CASP2: variants seen among roughly 807,000 people sequenced by gnomAD.
CASP2 encodes the protein caspase-2.
A neutral mutation model predicts 54.4 loss-of-function variants in CASP2; 38 were observed. That is an observed-to-expected ratio of 0.70 (90% CI 0.54 to 0.92). CASP2 has a LOEUF of 0.92. Ranked by LOEUF, CASP2 falls within the 40% of genes least tolerant of loss-of-function variation. The probability of loss-of-function intolerance (pLI) is 0.00; values close to 1 mark genes in which losing one functional copy is unlikely to be tolerated. For missense variants in CASP2, 512 were observed against 579.6 expected, an observed-to-expected ratio of 0.88 and a Z score of 1.20; for synonymous variants, 215 against 216.3, an observed-to-expected ratio of 0.99 and a Z score of 0.05.
chr7:143,301,639 T>C (rs576524524), intron 8 of CASP2: 1 of 152,322 alleles, frequency 6.6e-6, no homozygotes, highest in Admixed American at 6.5e-5. Context: ...TAATTTGATT[T>C]ACATAGTTAT....
chr7:143,295,055 T>TTTAG (rs1389877229), intron 6 of CASP2, among the ~76,000 whole-genome samples: 1 of 151,428 alleles, frequency 6.6e-6, no homozygotes, highest in Admixed American at 6.6e-5. Context: ...AAAGACAGAG[T>TTTAG]TTAGCTCTGT....
At chr7:143,293,383 C>T (rs1445754589) in intron 4 of CASP2, among the ~76,000 whole-genome samples, 1 of 152,196 alleles carries the variant, frequency 6.6e-6, no homozygotes, top group Non-Finnish European at 1.5e-5. Context: ...CCGCCTTGGC[C>T]TCCCAAAGTG....
At chr7:143,288,666 G>A in intron 1 of CASP2, 137 bp downstream of exon 1, 1 of 817,104 alleles carries the variant, frequency 1.2e-6, no homozygotes, top group Non-Finnish European at 1.9e-6. Flanking sequence ...CCAAGGGTGG[G>A]ACGCCCGCCC....
chr7:143,294,238 G>A lies in CASP2; in HGVS notation c.484G>A (p.Glu162Lys). ...TTCTGTCTATACCACAGATACTGTG[G>A]AACACTCCCTAGACAATAAAGATGG... ...KKLRLSTDTVEHSLDNKDGPV... is the reference protein window; with the variant it reads ...KKLRLSTDTVKHSLDNKDGPV... Residue 162 changes from glutamate (E) to lysine (K), a missense_variant, in exon 5 of 11, where the codon GAA becomes AAA. Coordinates refer to ENST00000310447, the MANE Select transcript of CASP2 (RefSeq NM_032982.4). 6.2e-7 allele frequency: 1 copy of A among 1,601,498 alleles called. No individual in the cohort carries two copies. The highest frequency in any genetic ancestry group is 8.6e-7 in the Non-Finnish European group (1 of 1,168,660).
In CASP2 at chr7:143,288,481, G is replaced by C. The variant is rs2116752445; in HGVS notation, c.26G>C (p.Trp9Ser). 1 of 1,613,302 alleles carries C rather than the reference G, an allele frequency of 6.2e-7. No individual in the cohort carries two copies. Among genetic ancestry groups the C allele is most frequent in the Admixed American group, 1.7e-5 (1 of 60,018 alleles). ...ATGGCGGCGCCGAGCGCGGGGTCTTGGTCCACCTTCCAGCACAAGGAGCTG... is the reference window on the plus strand; with the variant it reads ...ATGGCGGCGCCGAGCGCGGGGTCTTCGTCCACCTTCCAGCACAAGGAGCTG... MAAPSAGS[W>S]STFQHKELMA... The change falls in exon 1 of 11, where the codon TGG becomes TCG. Residue 9 changes from tryptophan to serine, a missense_variant. Trp to Ser is a radical substitution (Grantham distance 177, BLOSUM62 -3). This residue lies in a region of CASP2 where 89 missense variants were observed against 67.1 expected (regional missense o/e 1.33). Coordinates refer to ENST00000310447, the MANE Select transcript of CASP2 (RefSeq NM_032982.4).
Position 143,305,041 on chromosome 7 carries a change from C to G in CASP2, c.1329C>G (p.Leu443=), listed in dbSNP as rs538619828. The G allele has an allele frequency of 7.4e-6, 12 of 1,614,242 alleles. No individual in the cohort carries two copies. In the East Asian group the frequency reaches 2.5e-4, roughly 33 times the overall value. ...ACTGCAGCACTCTGTGCCGCCACCT[C>G]TACCTGTTCCCAGGACACCCTCCCA... The part of the protein sequence containing the change: ...SEYCSTLCRH[L]YLFPGHPPT The change falls in exon 11 of 11, where the codon CTC becomes CTG. Residue 443 remains leucine (L), a synonymous_variant. Coordinates refer to ENST00000310447, the MANE Select transcript of CASP2 (RefSeq NM_032982.4).
chr7:143,300,411 G>T (rs750095620), intron 8 of CASP2, 117 bp downstream of exon 8: 2 of 1,598,686 alleles, frequency 1.3e-6, no homozygotes, highest in East Asian at 4.5e-5. Flanking sequence ...ACCTCCTTCT[G>T]TTCACTGCTG....
intron 1 of CASP2, among the ~76,000 whole-genome samples, chr7:143,289,024 A>G (rs543403313): frequency 1.2e-4 from 19 of 152,206 alleles, no homozygotes; most frequent in Non-Finnish European, 2.6e-4. Flanking sequence ...AAGTCAATAC[A>G]GGGTTTGGAA....
In CASP2 at chr7:143,307,140, G is replaced by A. The variant is rs1802087688; in HGVS notation, c.*2069G>A. On this transcript the variant is annotated 3_prime_UTR_variant, in exon 11 of 11. Transcript: ENST00000310447. ...ACTTCTGTGTCTGTCACCACATCTT[G>A]TCTTTTCCCCTCATTGCATTTATTG... The A allele has an allele frequency of 6.6e-6, 1 of 152,100 alleles. No homozygotes were observed. Among genetic ancestry groups the A allele is most frequent in the Non-Finnish European group, 1.5e-5 (1 of 68,032 alleles). The allele number at this position is 152,100 out of a possible 1,614,324, so 9.4% of individuals were successfully genotyped here. A position where few individuals can be genotyped will look rare whatever the true frequency, so the allele number is the denominator to read the frequency against.
intron 8 of CASP2, 126 bp from the exon 9 acceptor site, chr7:143,303,658 T>G: frequency 1.3e-6 from 1 of 746,980 alleles, no homozygotes. Context: ...AGCCATAGGT[T>G]GGAGGCAACA....
chr7:143,296,651 A>G (rs1801760599), intron 6 of CASP2, among the ~76,000 whole-genome samples: 2 of 152,148 alleles, frequency 1.3e-5, no homozygotes, highest in South Asian at 4.1e-4. Context: ...GCATCTGCAC[A>G]GAATGCTCTC....
At chr7:143,296,788 A>G (rs1801767409) in intron 6 of CASP2, among the ~76,000 whole-genome samples, 1 of 152,046 alleles carries the variant, frequency 6.6e-6, no homozygotes, top group Non-Finnish European at 1.5e-5. Context: ...CTTACTTAAG[A>G]GAGGAATTCC....
chr7:143,303,849 G>A lies in CASP2; in HGVS notation c.1033G>A (p.Glu345Lys). The change falls in exon 9 of 11, where the codon GAG becomes AAG. Residue 345 changes from glutamate to lysine, a missense_variant. Glu to Lys is a moderately conservative substitution (Grantham distance 56). Around this residue, in one of 3 missense-constraint regions of CASP2, gnomAD observed 417 missense variants for 495.4 expected, o/e 0.84. Coordinates refer to ENST00000310447, the MANE Select transcript of CASP2 (RefSeq NM_032982.4). ...KNHAGSPGCE[E>K]SDAGKEKLPK... is the part of the protein sequence containing the mutation. ...CCACGCAGGATCCCCTGGGTGCGAG[G>A]AGAGTGATGCCGGTAAAGAAAAGTT... 1 of 1,613,990 alleles carries A rather than the reference G, an allele frequency of 6.2e-7. No homozygotes were observed. The highest frequency in any genetic ancestry group is 8.5e-7 in the Non-Finnish European group (1 of 1,179,936).
rs752885288 is a variant in CASP2 at position 143,304,930 on chromosome 7, G to A, written c.1228-10G>A. On this transcript the variant is annotated splice_polypyrimidine_tract_variant and intron_variant, in intron 10 of 10. Coordinates refer to ENST00000310447, the MANE Select transcript of CASP2 (RefSeq NM_032982.4). Reference sequence around the variant, plus strand: ...TCTCAGACTTGGGCCTATTGGTTCTGCCCCTCCAGGTGAACGCACTTATCA... The same window carrying A: ...TCTCAGACTTGGGCCTATTGGTTCTACCCCTCCAGGTGAACGCACTTATCA... 6.2e-7 allele frequency: 1 copy of A among 1,614,188 alleles called. No individual in the cohort carries two copies. The highest frequency in any genetic ancestry group is 8.5e-7 in the Non-Finnish European group (1 of 1,180,050).
intron 1 of CASP2, 66 bp downstream of exon 1, chr7:143,288,595 G>A: frequency 2.1e-6 from 3 of 1,408,942 alleles, no homozygotes; most frequent in Non-Finnish European, 3.0e-6. Context: ...GCCCCCAGGC[G>A]TGCGGCCCTG....
At chr7:143,299,647 T>G (rs1801856985) in intron 6 of CASP2, among the ~76,000 whole-genome samples, 3 of 152,214 alleles carry the variant, frequency 2.0e-5, no homozygotes, top group Admixed American at 2.0e-4. Flanking sequence ...CATGATTAGC[T>G]TCTTTAGTAA....
intron 3 of CASP2, 44 bp downstream of exon 3, chr7:143,292,511 G>T (rs1185148986): frequency 1.9e-6 from 3 of 1,607,534 alleles, no homozygotes; most frequent in Non-Finnish European, 2.5e-6. Context: ...GGGTTAGTTT[G>T]ACTGGAAAGG....
rs746965324 is a variant in CASP2, at chr7:143,304,698, A to G, written c.1142A>G (p.Lys381Arg). 12 of 1,614,032 alleles carry G rather than the reference A, an allele frequency of 7.4e-6. No individual in the cohort carries two copies. Among genetic ancestry groups the G allele is most frequent in the Non-Finnish European group, 1.0e-5 (12 of 1,180,002 alleles). ...GGGACTGCCGCCATGCGGAACACCA[A>G]ACGAGGTTCCTGGTACATCGAGGCT... is the stretch of plus-strand genomic sequence containing the variant. ...LKGTAAMRNT[K>R]RGSWYIEALA... Residue 381 changes from lysine (K) to arginine (R), a missense_variant, in exon 10 of 11, where the codon AAA becomes AGA. Lys to Arg is a conservative substitution (Grantham distance 26). Transcript: ENST00000310447.
At chr7:143,294,388 T>C in intron 5 of CASP2, 64 bp downstream of exon 5, 2 of 1,207,072 alleles carry the variant, frequency 1.7e-6, no homozygotes, top group South Asian at 1.2e-5. Flanking sequence ...CCTGGGAACC[T>C]GAACTTAGTT....
Sources: gnomAD v4.1 joint callset for allele counts (sites outside exome capture counted in the v4.1 genomes callset) on GRCh38, gnomAD v4.1.1 for gene constraint, gnomAD v4.1.1 regional missense constraint, MANE v1.5 for transcripts, NCBI Gene and HGNC (gene_info 2026-07-23, HGNC 2026-07-21) for gene names.